RBFOX1: variants seen among roughly 807,000 people sequenced by gnomAD.
RBFOX1 encodes the protein RNA binding protein fox-1 homolog 1.
RBFOX1 carries 8 observed loss-of-function variants against 57.7 expected under a neutral mutation model. The observed-to-expected ratio is 0.14, with a 90% CI of 0.08 to 0.25. The LOEUF (loss-of-function observed/expected upper bound fraction) is 0.25. Among genes scored for constraint, RBFOX1 ranks in the 10% least tolerant of loss-of-function variants. The probability of loss-of-function intolerance (pLI) is 1.00; values close to 1 mark genes in which losing one functional copy is unlikely to be tolerated. For missense variants in RBFOX1, 611 were observed against 548.5 expected (o/e 1.11, Z -1.14); for synonymous variants, 326 against 222.4 (o/e 1.47, Z -4.15).
At chr16:6,423,304 G>A (rs1010636579) in intron 2 of RBFOX1, among the ~76,000 whole-genome samples, 7 of 152,166 alleles carry the variant, frequency 4.6e-5, no homozygotes, top group Admixed American at 1.3e-4. Flanking sequence ...CCCTGTAGGA[G>A]GCACGTCTTC....
intron 10 of RBFOX1, among the ~76,000 whole-genome samples, chr16:7,611,354 G>C (rs943504587): frequency 2.0e-5 from 3 of 152,080 alleles, no homozygotes; most frequent in Admixed American, 2.0e-4. Flanking sequence ...GAGAGGCCGA[G>C]GAGGGTGGTC....
At chr16:5,641,225 G>A (rs924999279) in intron 3 of RBFOX1, among the ~76,000 whole-genome samples, 5 of 152,134 alleles carry the variant, frequency 3.3e-5, no homozygotes, top group African/African-American at 9.7e-5. Flanking sequence ...ATACATGCAT[G>A]CACATACACA....
At chr16:6,891,284 T>C (rs1199141353) in intron 3 of RBFOX1, among the ~76,000 whole-genome samples, 1 of 152,194 alleles carries the variant, frequency 6.6e-6, no homozygotes, top group East Asian at 1.9e-4. Context: ...TGAAGCAACT[T>C]AGCAAGGTGG....
chr16:6,349,253 T>C (rs560200953), intron 2 of RBFOX1, among the ~76,000 whole-genome samples: 24 of 152,266 alleles, frequency 1.6e-4, no homozygotes, highest in Non-Finnish European at 3.5e-4. Context: ...CTTTCTGTTA[T>C]CCCTTACCTA....
At chr16:7,520,982 C>G (rs2077397629) in intron 5 of RBFOX1, among the ~76,000 whole-genome samples, 1 of 152,142 alleles carries the variant, frequency 6.6e-6, no homozygotes. Flanking sequence ...CCTCTTGTAA[C>G]TTAGTATGAG....
chr16:5,982,465 G>A (rs2060193325), intron 4 of RBFOX1, among the ~76,000 whole-genome samples: 1 of 152,000 alleles, frequency 6.6e-6, no homozygotes, highest in Non-Finnish European at 1.5e-5. Context: ...TAGTAGAGAA[G>A]GGGTTTCGCC....
chr16:5,262,679 T>C (rs1260474010), intron 1 of RBFOX1, among the ~76,000 whole-genome samples: 2 of 152,142 alleles, frequency 1.3e-5, no homozygotes, highest in African/African-American at 4.8e-5. Flanking sequence ...CAGAGTAATA[T>C]ACAAGGTTAT....
chr16:7,091,064 C>A (rs1478496487), intron 4 of RBFOX1, among the ~76,000 whole-genome samples: 2 of 152,286 alleles, frequency 1.3e-5, no homozygotes, highest in Non-Finnish European at 1.5e-5. Flanking sequence ...AGTCTTGGAC[C>A]AAATGGTCCC....
chr16:6,453,483 A>G (rs928543595), intron 2 of RBFOX1, among the ~76,000 whole-genome samples: 2 of 152,196 alleles, frequency 1.3e-5, no homozygotes, highest in African/African-American at 2.4e-5. Flanking sequence ...TAAACCAGGA[A>G]GAAGCCGAAT....
chr16:6,772,077 A>C (rs1000186465), intron 3 of RBFOX1, among the ~76,000 whole-genome samples: 1 of 152,172 alleles, frequency 6.6e-6, no homozygotes, highest in Non-Finnish European at 1.5e-5. Context: ...TTTCTGTGAC[A>C]GGAACTGTGG....
intron 1 of RBFOX1, among the ~76,000 whole-genome samples, chr16:5,404,777 A>C (rs775437403): frequency 2.6e-5 from 4 of 152,238 alleles, no homozygotes; most frequent in African/African-American, 4.8e-5. Flanking sequence ...AAAGATGAGG[A>C]ATCAGATAAG....
chr16:6,956,208 G>T (rs1319188356), intron 3 of RBFOX1, among the ~76,000 whole-genome samples: 1 of 152,152 alleles, frequency 6.6e-6, no homozygotes, highest in East Asian at 1.9e-4. Flanking sequence ...GTACCACACA[G>T]GAGATCGTGC....
chr16:6,485,076 C>T (rs1597953225), intron 2 of RBFOX1, among the ~76,000 whole-genome samples: 1 of 152,040 alleles, frequency 6.6e-6, no homozygotes, highest in Admixed American at 6.6e-5. Flanking sequence ...AGTAACTTGC[C>T]TTTGTGGTTT....
At chr16:7,404,700 C>G (rs1165257404) in intron 4 of RBFOX1, among the ~76,000 whole-genome samples, 3 of 151,836 alleles carry the variant, frequency 2.0e-5, no homozygotes, top group Non-Finnish European at 4.4e-5. Context: ...AATGCTTTTT[C>G]AGAAAAAACA....
intron 4 of RBFOX1, among the ~76,000 whole-genome samples, chr16:7,282,689 T>C (rs1178750307): frequency 6.6e-6 from 1 of 152,166 alleles, no homozygotes; most frequent in Non-Finnish European, 1.5e-5. Flanking sequence ...ACCTGAGCAG[T>C]ATACACTGCA....
intron 3 of RBFOX1, among the ~76,000 whole-genome samples, chr16:7,051,214 A>T (rs983972522): frequency 2.6e-5 from 4 of 152,322 alleles, no homozygotes; most frequent in East Asian, 1.9e-4. Context: ...AGTGGAGTCT[A>T]CCAGCTCCTG....
intron 4 of RBFOX1, chr16:7,304,279 A>G: frequency 1.0e-6 from 1 of 984,230 alleles, no homozygotes; most frequent in Non-Finnish European, 1.2e-6. Flanking sequence ...GACTTAGATA[A>G]CCAGCAAAAT....
At chr16:7,223,723 A>G (rs976953431) in intron 4 of RBFOX1, among the ~76,000 whole-genome samples, 1 of 151,848 alleles carries the variant, frequency 6.6e-6, no homozygotes. Flanking sequence ...AAAAAAAAAA[A>G]AAAAAAAAGA....
intron 2 of RBFOX1, among the ~76,000 whole-genome samples, chr16:6,590,667 A>C (rs1275220373): frequency 1.3e-5 from 2 of 152,214 alleles, no homozygotes; most frequent in Non-Finnish European, 2.9e-5. Context: ...CATTCAGAGG[A>C]TATTTACATG....
Sources: allele counts gnomAD v4.1 joint callset (sites outside exome capture counted in the v4.1 genomes callset), GRCh38; gene constraint gnomAD v4.1.1; transcripts MANE v1.5; gene names NCBI Gene and HGNC (gene_info 2026-07-23, HGNC 2026-07-21).